Variants in WDR43 observed in about 807,000 individuals in gnomAD.
The protein encoded by WDR43 is WD repeat domain 43.
WDR43 carries 13 observed loss-of-function variants against 91.4 expected under a neutral mutation model. The observed-to-expected ratio is 0.14, with a 90% CI of 0.09 to 0.23. WDR43 has a LOEUF of 0.23. Ranked by LOEUF, WDR43 falls within the 10% of genes least tolerant of loss-of-function variation. The pLI is 1.00. For synonymous variants in WDR43, 331 were observed against 287.9 expected (o/e 1.15, Z -1.51); for missense variants, 780 against 809.4 (o/e 0.96, Z 0.44).
intron 3 of WDR43, among the ~76,000 whole-genome samples, chr2:28,908,642 A>G (rs1301716888): frequency 6.6e-6 from 1 of 152,214 alleles, no homozygotes; most frequent in Non-Finnish European, 1.5e-5. Flanking sequence ...GAAGTAGATT[A>G]AACAAGAGCC....
chr2:28,946,644 T>C lies in WDR43; in HGVS notation c.1899T>C (p.Asp633=), dbSNP rs981537161. ...AGGAGGAGAGTGAAAGTGAAAAAGA[T>C]GAGGACGTTGAAGAGGAAGATGAGG... ...EDEEESESEK[D]EDVEEEDEDA... Residue 633 remains aspartate, a synonymous_variant, in exon 18 of 18, where the codon GAT becomes GAC. Coordinates refer to ENST00000407426, the MANE Select transcript of WDR43 (RefSeq NM_015131.3). 1.3e-6 allele frequency: 2 copies of C among 1,556,944 alleles called. No homozygotes were observed. The highest frequency in any genetic ancestry group is 1.4e-5 in the African/African-American group (1 of 73,266).
At position 28,934,395 on chromosome 2, in the gene WDR43, C is replaced by G. The variant is rs144724343; in HGVS notation, c.1438-1126C>G. 1.3e-3 allele frequency among the ~76,000 whole-genome samples: 202 copies of G among 152,234 alleles called. 1 individual carries two copies. Among genetic ancestry groups the G allele is most frequent in the Non-Finnish European group, 2.4e-3 (160 of 68,016 alleles). On this transcript the variant is annotated intron_variant, in intron 11 of 17. Transcript: ENST00000407426. ...AGTATGTCAAACTGATCAAGCAGTA[C>G]ACTTTAAATATATGGTGTTTATTAC...
In WDR43 at chr2:28,935,532, A is replaced by G. The variant is rs369470696; in HGVS notation, c.1449A>G (p.Gln483=). The G allele has an allele frequency of 2.0e-4, 320 of 1,591,728 alleles. No homozygotes were observed. The highest frequency in any genetic ancestry group is 2.6e-4 in the Non-Finnish European group (303 of 1,170,658). Residue 483 remains glutamine, a synonymous_variant, in exon 12 of 18, where the codon CAA becomes CAG. Transcript: ENST00000407426. ...TTATTTTCTCACAGAAAGTACTTCA[A>G]ACTAGGAATGTAAACCTTATAAAGA... ...NDFEMLNKVL[Q]TRNVNLIKKT...
intron 4 of WDR43, among the ~76,000 whole-genome samples, chr2:28,912,947 A>AT (rs35646381): frequency 0.049 from 4,939 of 100,838 alleles, 396 homozygotes; most frequent in African/African-American, 0.15. Flanking sequence ...AAGAAACAAG[A>AT]TTTTTTTTTT....
At chr2:28,943,847 A>G (rs1671492320) in intron 16 of WDR43, among the ~76,000 whole-genome samples, 3 of 152,238 alleles carry the variant, frequency 2.0e-5, no homozygotes, top group African/African-American at 4.8e-5. Context: ...GGTGTTGGCC[A>G]TGATTTGGGA....
intron 16 of WDR43, among the ~76,000 whole-genome samples, chr2:28,945,690 A>AT (rs1440534497): frequency 1.3e-5 from 2 of 152,202 alleles, no homozygotes; most frequent in African/African-American, 4.8e-5. Context: ...TGTGCCTGTT[A>AT]TCAGTTTTTT....
intron 7 of WDR43, among the ~76,000 whole-genome samples, chr2:28,923,301 G>A (rs1284854537): frequency 2.6e-5 from 4 of 152,260 alleles, no homozygotes; most frequent in Middle Eastern, 3.4e-3. Flanking sequence ...TTATCTTTGA[G>A]CGTGCTTTAC....
At chr2:28,907,729 C>T (rs1670709585) in intron 3 of WDR43, among the ~76,000 whole-genome samples, 1 of 152,108 alleles carries the variant, frequency 6.6e-6, no homozygotes, top group African/African-American at 2.4e-5. Flanking sequence ...CATGGGGTAC[C>T]ATCTCTACTA....
chr2:28,921,288 C>T (rs910422713), intron 6 of WDR43, among the ~76,000 whole-genome samples: 7 of 151,852 alleles, frequency 4.6e-5, no homozygotes, highest in Non-Finnish European at 8.8e-5. Context: ...CCACCATGCC[C>T]AGCTAATTTT....
intron 3 of WDR43, among the ~76,000 whole-genome samples, chr2:28,907,494 G>T (rs1380948873): frequency 6.7e-6 from 1 of 149,060 alleles, no homozygotes; most frequent in Non-Finnish European, 1.5e-5. Context: ...TGCATGGCCT[G>T]TGGCCCCAGA....
At chr2:28,941,124 G>A (rs1054216944) in intron 14 of WDR43, among the ~76,000 whole-genome samples, 1 of 152,210 alleles carries the variant, frequency 6.6e-6, no homozygotes, top group African/African-American at 2.4e-5. Context: ...ATACGTGGTA[G>A]AGGCATTTTT....
At chr2:28,923,658 C>T (rs1460624312) in intron 7 of WDR43, among the ~76,000 whole-genome samples, 1 of 152,106 alleles carries the variant, frequency 6.6e-6, no homozygotes, top group East Asian at 1.9e-4. Context: ...ATACTCATTT[C>T]AAAACACCCA....
At chr2:28,944,425 GT>G (rs1307896976) in intron 16 of WDR43, among the ~76,000 whole-genome samples, 2 of 152,308 alleles carry the variant, frequency 1.3e-5, no homozygotes, top group East Asian at 3.9e-4. Context: ...GGAGACCTCA[GT>G]TTTTTAAGAA....
intron 1 of WDR43, among the ~76,000 whole-genome samples, chr2:28,900,119 A>G (rs781157633): frequency 1.3e-4 from 20 of 152,200 alleles, no homozygotes; most frequent in South Asian, 2.1e-4. Context: ...TGTTTCACAC[A>G]TCGAGAAACT....
intron 2 of WDR43, among the ~76,000 whole-genome samples, chr2:28,906,165 A>G (rs1275591730): frequency 6.6e-6 from 1 of 152,198 alleles, no homozygotes; most frequent in Non-Finnish European, 1.5e-5. Context: ...TCAGTTAAAA[A>G]AAAGAAGAGT....
intron 5 of WDR43, among the ~76,000 whole-genome samples, chr2:28,915,401 C>T (rs1203580779): frequency 1.3e-5 from 2 of 152,184 alleles, no homozygotes; most frequent in African/African-American, 4.8e-5. Context: ...CCAGGGTCCC[C>T]TGGCATTATT....
chr2:28,932,283 C>G (rs1048690131), intron 11 of WDR43, among the ~76,000 whole-genome samples: 1 of 152,124 alleles, frequency 6.6e-6, no homozygotes, highest in Non-Finnish European at 1.5e-5. Context: ...CCTGCCTCAG[C>G]CTCCTAAGTA....
intron 1 of WDR43, among the ~76,000 whole-genome samples, chr2:28,897,597 AT>A (rs1454601732): frequency 1.8e-4 from 27 of 152,356 alleles, no homozygotes; most frequent in African/African-American, 6.0e-4. Context: ...TCGTTTTACC[AT>A]TTAATTTGGC....
At position 28,911,598 on chromosome 2, in the gene WDR43, A is replaced by C. The variant is rs1023713975; in HGVS notation, c.486-992A>C. On this transcript the variant is annotated intron_variant, in intron 3 of 17. Transcript: ENST00000407426. Reference sequence around the variant, plus strand: ...CATGAGCCACCGCGCCCAGCCTCTTAATAACCTCTTTTGTTATTCAGGTTC... The same window carrying C: ...CATGAGCCACCGCGCCCAGCCTCTTCATAACCTCTTTTGTTATTCAGGTTC... 2.0e-5 allele frequency among the ~76,000 whole-genome samples: 3 copies of C among 146,504 alleles called. No individual in the cohort carries two copies. In the Admixed American group the frequency reaches 2.1e-4, roughly 10 times the overall value.
Sources: allele counts gnomAD v4.1 joint callset (sites outside exome capture counted in the v4.1 genomes callset), GRCh38; gene constraint gnomAD v4.1.1; transcripts MANE v1.5; gene names NCBI Gene and HGNC (gene_info 2026-07-23, HGNC 2026-07-21).